The following RARB variants were observed in gnomAD, a reference collection of about 807,000 sequenced individuals.
RARB encodes HBV-activated protein.
A neutral mutation model predicts 51.9 loss-of-function variants in RARB; 17 were observed. The observed-to-expected ratio is 0.33, with a 90% confidence interval of 0.22 to 0.49. RARB has a LOEUF of 0.49. RARB is among the 20% of genes least tolerant of loss of function. The pLI is 0.99. For missense variants in RARB, 369 were observed against 550.8 expected, an observed-to-expected ratio of 0.67 and a Z score of 3.30; for synonymous variants, 215 against 195.4, an observed-to-expected ratio of 1.10 and a Z score of -0.84.
chr3:25,255,337 T>C (rs953222014), intron 5 of RARB, among the ~76,000 whole-genome samples: 1 of 152,176 alleles, frequency 6.6e-6, no homozygotes, highest in Non-Finnish European at 1.5e-5. Context: ...GTTTGTTCTT[T>C]TTGATGAAAA....
rs1432661953 is a variant in RARB at position 24,990,120 on chromosome 3, C to A, written c.-379-70005C>A. ...TGCCTTTCTTTTTAATATAATGGAA[C>A]TTTTCTTTTTTTTTTTTGTTATTTC... On this transcript the variant is annotated intron_variant, in intron 2 of 11. Transcript: ENST00000383772. Among the ~76,000 whole-genome samples the A allele has an allele frequency of 6.5e-5, 2 of 30,998 alleles. 1 individual carries two copies. The highest frequency in any genetic ancestry group is 1.2e-4 in the Non-Finnish European group (2 of 16,986). The allele number at this position is 30,998 out of a possible 152,430, so 20.3% of individuals were successfully genotyped here. A position where few individuals can be genotyped will look rare whatever the true frequency, so the allele number is the denominator to read the frequency against.
rs547151906 is a variant in RARB, at chr3:25,420,847, AATGG to A, written c.179-40328_179-40325del. On this transcript the variant is annotated intron_variant, in intron 5 of 11. Coordinates refer to the RARB transcript ENST00000383772. ...TATCAGGTAGAAGAACGGGTAGGTG[AATGG>A]ATGGATGGATGGATGGAAAGATAAC... Among the ~76,000 whole-genome samples the A allele has an allele frequency of 5.3e-5, 8 of 151,970 alleles. No homozygotes were observed. In the East Asian group the frequency reaches 9.7e-4, roughly 18 times the overall value.
intron 2 of RARB, among the ~76,000 whole-genome samples, chr3:24,859,036 CAAAAAAAAAAAAAAAAA>C (rs1169235713): frequency 1.3e-3 from 63 of 50,314 alleles, no homozygotes; most frequent in Non-Finnish European, 2.6e-3. Flanking sequence ...GACTCTGTCT[CAAAAAAAAAAAAAAAAA>C]AAAAGAAAAA....
At chr3:24,989,279 G>GTTAT (rs1203675269) in intron 2 of RARB, among the ~76,000 whole-genome samples, 8 of 152,248 alleles carry the variant, frequency 5.3e-5, no homozygotes, top group Non-Finnish European at 1.2e-4. Flanking sequence ...AACAGTGGAT[G>GTTAT]TCAGCCATAA....
intron 2 of RARB, among the ~76,000 whole-genome samples, chr3:25,478,264 C>A (rs1304198385): frequency 2.0e-5 from 3 of 152,166 alleles, no homozygotes; most frequent in Non-Finnish European, 4.4e-5. Context: ...TGGGATAGTG[C>A]CATAGTCACT....
intron 5 of RARB, among the ~76,000 whole-genome samples, chr3:25,343,049 T>TGTGTGC (rs1705280796): frequency 6.6e-6 from 1 of 151,104 alleles, no homozygotes; most frequent in Admixed American, 6.6e-5. Flanking sequence ...TGTGTGTGTG[T>TGTGTGC]GTGTGTGTGT....
chr3:25,247,305 C>T (rs573975942), intron 5 of RARB, among the ~76,000 whole-genome samples: 53 of 152,314 alleles, frequency 3.5e-4, no homozygotes, highest in Non-Finnish European at 6.5e-4. Context: ...TCACTGTCTT[C>T]AGCCCCTTTT....
At chr3:25,345,947 G>C (rs1353458403) in intron 5 of RARB, 9 of 850,482 alleles carry the variant, frequency 1.1e-5, no homozygotes, top group Non-Finnish European at 1.1e-5. Context: ...ATTTAGTTTA[G>C]TTCATGATTC....
intron 3 of RARB, among the ~76,000 whole-genome samples, chr3:25,090,553 C>A (rs1413417682): frequency 6.6e-6 from 1 of 152,060 alleles, no homozygotes; most frequent in African/African-American, 2.4e-5. Context: ...GAACACATTC[C>A]TGTTGTCTGA....
chr3:25,305,390 C>T (rs986790372), intron 5 of RARB, among the ~76,000 whole-genome samples: 4 of 152,046 alleles, frequency 2.6e-5, no homozygotes, highest in Admixed American at 2.0e-4. Context: ...TATGATATCT[C>T]CCAAGCTGAA....
intron 5 of RARB, among the ~76,000 whole-genome samples, chr3:25,246,967 C>A (rs903675495): frequency 2.0e-5 from 3 of 152,214 alleles, no homozygotes; most frequent in African/African-American, 7.2e-5. Context: ...AGGGGAGTTT[C>A]ATCTATAAGC....
At chr3:25,050,429 G>T (rs988680638) in intron 2 of RARB, among the ~76,000 whole-genome samples, 1 of 151,180 alleles carries the variant, frequency 6.6e-6, no homozygotes, top group African/African-American at 2.4e-5. Context: ...AAAGGCTCAT[G>T]ATTTAAAAAA....
rs531455195 is a variant in RARB at position 24,998,637 on chromosome 3, A to G, written c.-379-61488A>G. On this transcript the variant is annotated intron_variant, in intron 2 of 11. Coordinates refer to the RARB transcript ENST00000383772. The stretch of plus-strand genomic sequence containing the variant: ...AGTTATGTCTAGTTCAATATCCCTT[A>G]TGTTTCTACAGGCTTCTGGAGATTA... Among the ~76,000 whole-genome samples the G allele has an allele frequency of 1.5e-3, 223 of 152,208 alleles. 3 individuals carry two copies. Among genetic ancestry groups the G allele is most frequent in the Non-Finnish European group, 7.6e-4 (52 of 67,996 alleles).
intron 4 of RARB, among the ~76,000 whole-genome samples, chr3:25,162,762 C>T (rs1700493017): frequency 6.6e-6 from 1 of 152,134 alleles, no homozygotes; most frequent in Admixed American, 6.6e-5. Context: ...TACTTCATTC[C>T]CTTTTTATGG....
chr3:25,422,989 T>TTA (rs1278034432), intron 5 of RARB, among the ~76,000 whole-genome samples: 1 of 152,234 alleles, frequency 6.6e-6, no homozygotes, highest in Non-Finnish European at 1.5e-5. Context: ...CATTAATTTA[T>TTA]TATATAGTCT....
At chr3:25,338,595 T>C (rs942860946) in intron 5 of RARB, among the ~76,000 whole-genome samples, 1 of 152,088 alleles carries the variant, frequency 6.6e-6, no homozygotes, top group Non-Finnish European at 1.5e-5. Context: ...CTTTTAACCA[T>C]AGGGAAGTTC....
At chr3:24,941,819 A>G (rs1331241774) in intron 2 of RARB, among the ~76,000 whole-genome samples, 1 of 152,228 alleles carries the variant, frequency 6.6e-6, no homozygotes, top group African/African-American at 2.4e-5. Flanking sequence ...AGCTAAGGAT[A>G]CCAATATCTA....
At chr3:25,122,646 A>G (rs1575170599) in intron 3 of RARB, among the ~76,000 whole-genome samples, 1 of 152,146 alleles carries the variant, frequency 6.6e-6, no homozygotes, top group Admixed American at 6.5e-5. Flanking sequence ...CTCATGTTCT[A>G]GCTCTATTAG....
chr3:24,894,864 G>A (rs528207801), intron 2 of RARB, among the ~76,000 whole-genome samples: 6 of 152,184 alleles, frequency 3.9e-5, no homozygotes, highest in Non-Finnish European at 8.8e-5. Flanking sequence ...AAATAATGTG[G>A]TAGAAGCTAT....
Sources: allele counts gnomAD v4.1 joint callset (sites outside exome capture counted in the v4.1 genomes callset), GRCh38; gene constraint gnomAD v4.1.1; transcripts MANE v1.5; gene names NCBI Gene and HGNC (gene_info 2026-07-23, HGNC 2026-07-21).